The following RNF207 variants were observed in gnomAD, a reference collection of about 807,000 sequenced individuals.
RNF207 encodes OTTHUMG00000001089.
Under a neutral mutation model 79.0 loss-of-function variants are expected in RNF207, and 72 were observed. That is an observed-to-expected ratio of 0.91 (90% CI 0.75 to 1.11). RNF207 has a LOEUF of 1.11. RNF207 is among the 50% of genes least tolerant of loss of function. RNF207 has a pLI of 0.00. For missense variants in RNF207, 936 were observed against 855.8 expected (o/e 1.09, Z -1.17); for synonymous variants, 348 against 366.2 (o/e 0.95, Z 0.57).
rs746281223 is a variant in RNF207, at chr1:6,210,896, C to G, written c.969C>G (p.Ile323Met). The change falls in exon 11 of 18, where the codon ATC becomes ATG. Residue 323 changes from isoleucine (I) to methionine (M), a missense_variant. Ile to Met is a conservative substitution (Grantham distance 10). Transcript: ENST00000377939. Reference protein sequence around the residue: ...GYELMERLQGIVTRPHHLRPI... With the variant: ...GYELMERLQGMVTRPHHLRPI... ...AGCTGATGGAGAGGCTGCAGGGCATCGTCACGCGGCCGCACCACCTAAGGC... is the reference window on the plus strand; with the variant it reads ...AGCTGATGGAGAGGCTGCAGGGCATGGTCACGCGGCCGCACCACCTAAGGC... 1.8e-5 allele frequency: 29 copies of G among 1,604,676 alleles called. No individual in the cohort carries two copies. Among genetic ancestry groups the G allele is most frequent in the Non-Finnish European group, 2.5e-5 (29 of 1,176,794 alleles).
chr1:6,209,136 T>A lies in RNF207; in HGVS notation c.491T>A (p.Leu164His). The change falls in exon 5 of 18, where the codon CTC becomes CAC. Residue 164 changes from leucine (L) to histidine (H), a missense_variant. Transcript: ENST00000377939. ...QKCTLHAEPY[L>H]LFSTDKKLLL... ...GCAGCGCTGCACGCAGAGCCCTACC[T>A]CTTGTTCTCCACCGACAAGAAGTTG... 1 of 1,556,862 alleles carries A rather than the reference T, an allele frequency of 6.4e-7. No homozygotes were observed. Among genetic ancestry groups the A allele is most frequent in the Non-Finnish European group, 8.7e-7 (1 of 1,149,874 alleles).
chr1:6,207,528 G>A lies in RNF207; in HGVS notation c.324+17G>A, dbSNP rs753213460. 1.3e-5 allele frequency: 21 copies of A among 1,587,986 alleles called. No homozygotes were observed. The highest frequency in any genetic ancestry group is 1.7e-4 in the Middle Eastern group (1 of 6,056). On this transcript the variant is annotated intron_variant, in intron 3 of 17. Coordinates refer to ENST00000377939, the MANE Select transcript of RNF207 (RefSeq NM_207396.3). This position sits in a 1 kb window ranked among gnomAD's most constrained non-coding sequence, Gnocchi z 4.5. ...AGCGAGCAGGCAGGGGCGGCAGGGC[G>A]GGTGGGTGAGGAGCAGAGGGTACCC...
rs201905484 is a variant in RNF207, at chr1:6,218,341, G to C, written c.1705G>C (p.Asp569His). ...AGAGAGTCTACAGAACACGCACGAC[G>C]ACAGCAGGAACAACGCGGCCTCAGC... ...QSESLQNTHD[D>H]SRNNAASARN... The change falls in exon 17 of 18, where the codon GAC (aspartate) becomes CAC (histidine). Residue 569 changes from aspartate (D) to histidine (H), a missense_variant. Coordinates refer to ENST00000377939, the MANE Select transcript of RNF207 (RefSeq NM_207396.3). 1 of 1,614,038 alleles carries C rather than the reference G, an allele frequency of 6.2e-7. No homozygotes were observed. The highest frequency in any genetic ancestry group is 1.1e-5 in the South Asian group (1 of 91,074).
At chr1:6,212,083 G>C in intron 13 of RNF207, 30 bp downstream of exon 13, 2 of 1,575,054 alleles carry the variant, frequency 1.3e-6, no homozygotes, top group Non-Finnish European at 1.7e-6. Context: ...CCGGAGGGGG[G>C]AGATGTCCTA....
rs1207577125 is a variant in RNF207 at position 6,212,741 on chromosome 1, A to T, written c.1534+8A>T. 1 of 1,611,486 alleles carries T rather than the reference A, an allele frequency of 6.2e-7. No individual in the cohort carries two copies. Among genetic ancestry groups the T allele is most frequent in the East Asian group, 2.2e-5 (1 of 44,814 alleles). ...AGCAGGAGATTTATGAAGGTTCCAG[A>T]CAGTTGGCTGCCGAGTGAACCCTCT... is the stretch of plus-strand genomic sequence containing the variant. On this transcript the variant is annotated splice_region_variant and intron_variant, in intron 15 of 17. Transcript: ENST00000377939.
In RNF207 at chr1:6,209,497, C is replaced by G. The variant is rs769463621; in HGVS notation, c.711C>G (p.Ala237=). 73 of 1,476,086 alleles carry G rather than the reference C, an allele frequency of 4.9e-5. No individual in the cohort carries two copies. The highest frequency in any genetic ancestry group is 1.9e-4 in the Middle Eastern group (1 of 5,346). The allele number at this position is 1,476,086 out of a possible 1,614,324, so 91.4% of individuals were successfully genotyped here. A position where few individuals can be genotyped will look rare whatever the true frequency, so the allele number is the denominator to read the frequency against. The change falls in exon 7 of 18, where the codon GCC becomes GCG. Residue 237 remains alanine (A), a synonymous_variant. Coordinates refer to ENST00000377939, the MANE Select transcript of RNF207 (RefSeq NM_207396.3). ...TGGAGGAGGTGCGGCACAGCGCCGCCGAGGAGGAGGACGCTATCCACGCCC... is the reference window on the plus strand; with the variant it reads ...TGGAGGAGGTGCGGCACAGCGCCGCGGAGGAGGAGGACGCTATCCACGCCC... ...AMVEEVRHSA[A]EEEDAIHALF...
At chr1:6,213,204 C>T (rs986730350) in intron 16 of RNF207, 21 bp downstream of exon 16, 2 of 1,491,150 alleles carry the variant, frequency 1.3e-6, no homozygotes, top group Non-Finnish European at 1.9e-6. Context: ...GGGGGTGTTC[C>T]CAGGGCCACT....
chr1:6,207,318 G>A lies in RNF207; in HGVS notation c.192-61G>A. ...TTAGCTCCAGCCTGGAATGTGAGGGGTGGGGGTGGGGAGCCCTGGGGAAGG... is the reference window on the plus strand; with the variant it reads ...TTAGCTCCAGCCTGGAATGTGAGGGATGGGGGTGGGGAGCCCTGGGGAAGG... On this transcript the variant is annotated intron_variant, in intron 2 of 17. Transcript: ENST00000377939. The surrounding 1 kb of genome is among the most constrained non-coding windows in gnomAD (Gnocchi z 4.5). The A allele has an allele frequency of 6.8e-7, 1 of 1,481,346 alleles. No individual in the cohort carries two copies. Among genetic ancestry groups the A allele is most frequent in the Non-Finnish European group, 9.0e-7 (1 of 1,109,394 alleles). 91.8% of individuals were successfully genotyped at this position (1,481,346 alleles called of 1,614,324 possible). A position where few individuals can be genotyped will look rare whatever the true frequency, so the allele number is the denominator to read the frequency against.
At chr1:6,218,931 C>A (rs1304741509) in intron 17 of RNF207, among the ~76,000 whole-genome samples, 2 of 152,170 alleles carry the variant, frequency 1.3e-5, no homozygotes, top group Non-Finnish European at 2.9e-5. Flanking sequence ...AGAGCAGAGT[C>A]TGGCCCCAGC....
At position 6,211,631 on chromosome 1, in the gene RNF207, G is replaced by C. The variant is rs993705947; in HGVS notation, c.1110-236G>C. ...TCGGTCCTGGCCCCGGCAGCATTCCGACGGACTTGCTCTTGGCCCCACATC... is the reference window on the plus strand; with the variant it reads ...TCGGTCCTGGCCCCGGCAGCATTCCCACGGACTTGCTCTTGGCCCCACATC... On this transcript the variant is annotated intron_variant, in intron 12 of 17. Transcript: ENST00000377939. This position sits in a 1 kb window ranked among gnomAD's most constrained non-coding sequence, Gnocchi z 4.2. Among the ~76,000 whole-genome samples, 6 of 152,198 alleles carry C rather than the reference G, an allele frequency of 3.9e-5. No homozygotes were observed. Among genetic ancestry groups the C allele is most frequent in the Non-Finnish European group, 8.8e-5 (6 of 68,020 alleles).
At position 6,211,467 on chromosome 1, in the gene RNF207, G is replaced by C. The variant is rs1375487955; in HGVS notation, c.1109+349G>C. On this transcript the variant is annotated intron_variant, in intron 12 of 17. Coordinates refer to ENST00000377939, the MANE Select transcript of RNF207 (RefSeq NM_207396.3). The surrounding 1 kb of genome is among the most constrained non-coding windows in gnomAD (Gnocchi z 4.2). The stretch of plus-strand genomic sequence containing the variant: ...CCACCTAGGTGGCCTGAGGTCATAG[G>C]GGGCCTGATTCCTGGACTCATCTGG... 1.3e-5 allele frequency among the ~76,000 whole-genome samples: 2 copies of C among 152,144 alleles called. No homozygotes were observed. Among genetic ancestry groups the C allele is most frequent in the East Asian group, 3.9e-4 (2 of 5,180 alleles).
At position 6,206,694 on chromosome 1, in the gene RNF207, G is replaced by A; in HGVS notation, c.159G>A (p.Ala53=). The A allele has an allele frequency of 3.1e-6, 5 of 1,603,114 alleles. No individual in the cohort carries two copies. The highest frequency in any genetic ancestry group is 3.4e-6 in the Non-Finnish European group (4 of 1,179,694). ...GTGCCGGCTGCCTGCGTGGCCGCGC[G>A]ACCGACGGCCGCCTCACCTGCCCGC... The part of the protein sequence containing the change: ...DFCAGCLRGR[A]TDGRLTCPLC... The change falls in exon 2 of 18, where the codon GCG becomes GCA. Residue 53 remains alanine, a synonymous_variant. Coordinates refer to ENST00000377939, the MANE Select transcript of RNF207 (RefSeq NM_207396.3).
At position 6,219,444 on chromosome 1, in the gene RNF207, C is replaced by A; in HGVS notation, c.*37C>A. On this transcript the variant is annotated 3_prime_UTR_variant, in exon 18 of 18. Transcript: ENST00000377939. The stretch of plus-strand genomic sequence containing the variant: ...GGTCCCCAGGGTCAGGCTCTTAGAG[C>A]AGGCACAAGACTGGGACACTGGACA... 2.0e-6 allele frequency: 3 copies of A among 1,498,846 alleles called. No individual in the cohort carries two copies. The highest frequency in any genetic ancestry group is 2.7e-6 in the Non-Finnish European group (3 of 1,099,656). The allele number at this position is 1,498,846 out of a possible 1,614,324, so 92.8% of individuals were successfully genotyped here. A position where few individuals can be genotyped will look rare whatever the true frequency, so the allele number is the denominator to read the frequency against.
rs933913184 is a variant in RNF207, at chr1:6,212,978, G to C, written c.1535-88G>C. On this transcript the variant is annotated intron_variant, in intron 15 of 17. Coordinates refer to ENST00000377939, the MANE Select transcript of RNF207 (RefSeq NM_207396.3). ...TTAGAGGTCATCATGGAAATGGTCG[G>C]GATATTTACGTGGTGCCTGGCTTGA... The C allele has an allele frequency of 6.6e-5, 60 of 913,946 alleles. 1 individual carries two copies. Among genetic ancestry groups the C allele is most frequent in the African/African-American group, 1.6e-5 (1 of 60,766 alleles). The allele number at this position is 913,946 out of a possible 1,614,324, so 56.6% of individuals were successfully genotyped here.
At chr1:6,209,079 G>C (rs987179343) in intron 4 of RNF207, 36 bp from the exon 5 acceptor site, 1 of 1,546,602 alleles carries the variant, frequency 6.5e-7, no homozygotes, top group Non-Finnish European at 8.7e-7. Flanking sequence ...GGCGGGCACT[G>C]ACCGGAGCCC....
intron 16 of RNF207, among the ~76,000 whole-genome samples, chr1:6,216,262 T>C (rs1668356925): frequency 6.6e-6 from 1 of 151,782 alleles, no homozygotes; most frequent in African/African-American, 2.4e-5. Context: ...TCCTGGGTGC[T>C]ACCCACACAG....
chr1:6,208,657 A>G (rs1445860691), intron 3 of RNF207: 2 of 477,066 alleles, frequency 4.2e-6, no homozygotes, highest in Non-Finnish European at 7.1e-6. Context: ...CGCGTCCCCC[A>G]CCCCCCTCCA....
intron 14 of RNF207, 58 bp downstream of exon 14, chr1:6,212,474 C>T (rs923562472): frequency 6.7e-7 from 1 of 1,501,926 alleles, no homozygotes; most frequent in Admixed American, 1.8e-5. Context: ...CCTGGGCTAC[C>T]CTAAGACAGT....
Position 6,207,355 on chromosome 1 carries a change from C to A in RNF207, c.192-24C>A, listed in dbSNP as rs1024451227. 15 of 1,500,444 alleles carry A rather than the reference C, an allele frequency of 1.0e-5. No individual in the cohort carries two copies. The highest frequency in any genetic ancestry group is 1.2e-5 in the Non-Finnish European group (14 of 1,124,984). 92.9% of individuals were successfully genotyped at this position (1,500,444 alleles called of 1,614,324 possible). On this transcript the variant is annotated intron_variant, in intron 2 of 17. Transcript: ENST00000377939. This position sits in a 1 kb window ranked among gnomAD's most constrained non-coding sequence, Gnocchi z 4.5. ...AGCCCTGGGGAAGGGGTATCAGAATCTCGGGGCCTGGGCTTCTCTGCAGAC... is the reference window on the plus strand; with the variant it reads ...AGCCCTGGGGAAGGGGTATCAGAATATCGGGGCCTGGGCTTCTCTGCAGAC...
Sources: allele counts gnomAD v4.1 joint callset (sites outside exome capture counted in the v4.1 genomes callset), GRCh38; gene constraint gnomAD v4.1.1; non-coding constraint Gnocchi (gnomAD v3.1); transcripts MANE v1.5; gene names NCBI Gene and HGNC (gene_info 2026-07-23, HGNC 2026-07-21).